RNF34: variants seen among roughly 807,000 people sequenced by gnomAD.
The protein encoded by RNF34 is E3 ubiquitin-protein ligase RNF34.
In RNF34, 12 loss-of-function variants were observed where a neutral mutation model predicts 37.9. The observed-to-expected ratio is 0.32, with a 90% CI of 0.20 to 0.51. The LOEUF is 0.51. Among genes scored for constraint, RNF34 ranks in the 20% least tolerant of loss-of-function variants. The pLI is 0.97. For synonymous variants in RNF34, 155 were observed against 177.2 expected, an observed-to-expected ratio of 0.87 and a Z score of 1.00; for missense variants, 362 against 472.7, an observed-to-expected ratio of 0.77 and a Z score of 2.17.
chr12:121,406,553 C>G (rs1169533564), intron 1 of RNF34, among the ~76,000 whole-genome samples: 1 of 152,180 alleles, frequency 6.6e-6, no homozygotes, highest in African/African-American at 2.4e-5. Context: ...TCCCAAAGTG[C>G]TAGGATTACA....
Position 121,423,339 on chromosome 12 carries a change from A to G in RNF34, c.929-47A>G, listed in dbSNP as rs1555283741. The G allele has an allele frequency of 1.3e-6, 2 of 1,483,568 alleles. No individual in the cohort carries two copies. Among genetic ancestry groups the G allele is most frequent in the Middle Eastern group, 2.2e-4 (1 of 4,610 alleles). The allele number at this position is 1,483,568 out of a possible 1,614,324, so 91.9% of individuals were successfully genotyped here. Reference sequence around the variant, plus strand: ...TTCGGACTGGGAGGGTGGCTGGCTGACTGGCCATGCCTGAAGCCGAGGCCT... The same window carrying G: ...TTCGGACTGGGAGGGTGGCTGGCTGGCTGGCCATGCCTGAAGCCGAGGCCT... On this transcript the variant is annotated intron_variant, in intron 5 of 5. Coordinates refer to ENST00000361234, the MANE Select transcript of RNF34 (RefSeq NM_025126.4). This position sits in a 1 kb window ranked among gnomAD's most constrained non-coding sequence, Gnocchi z 4.3.
At chr12:121,412,952 T>G (rs1871230040) in intron 1 of RNF34, among the ~76,000 whole-genome samples, 1 of 151,860 alleles carries the variant, frequency 6.6e-6, no homozygotes, top group African/African-American at 2.4e-5. Context: ...CTTGACCTCA[T>G]GATCTGCTCC....
chr12:121,420,474 A>G, intron 4 of RNF34, 103 bp from the exon 5 acceptor site: 4 of 1,569,264 alleles, frequency 2.5e-6, no homozygotes, highest in South Asian at 1.1e-5. Flanking sequence ...CACTTCTAGG[A>G]CTGCTGAGAT....
Position 121,423,329 on chromosome 12 carries a change from TG to T in RNF34, c.929-55del. ...GCTGCTCAGCTTCGGACTGGGAGGG[TG>T]GCTGGCTGACTGGCCATGCCTGAAG... On this transcript the variant is annotated intron_variant, in intron 5 of 5. Transcript: ENST00000361234. This position sits in a 1 kb window ranked among gnomAD's most constrained non-coding sequence, Gnocchi z 4.3. The T allele has an allele frequency of 1.4e-6, 2 of 1,421,758 alleles. No homozygotes were observed. The highest frequency in any genetic ancestry group is 1.9e-6 in the Non-Finnish European group (2 of 1,045,186). 88.1% of individuals were successfully genotyped at this position (1,421,758 alleles called of 1,614,324 possible). A position where few individuals can be genotyped will look rare whatever the true frequency, so the allele number is the denominator to read the frequency against.
At chr12:121,400,717 C>G (rs1206172023) in intron 1 of RNF34, among the ~76,000 whole-genome samples, 8 of 152,114 alleles carry the variant, frequency 5.3e-5, no homozygotes, top group Non-Finnish European at 1.2e-4. Context: ...GGGATGCCAC[C>G]CGGAAGGGGT....
At chr12:121,408,179 G>A (rs1476573511) in intron 1 of RNF34, among the ~76,000 whole-genome samples, 2 of 152,082 alleles carry the variant, frequency 1.3e-5, no homozygotes, top group Non-Finnish European at 2.9e-5. Context: ...GGTGGCTCAC[G>A]CCTGTAATCC....
At chr12:121,408,933 G>C (rs1402249881) in intron 1 of RNF34, among the ~76,000 whole-genome samples, 1 of 151,952 alleles carries the variant, frequency 6.6e-6, no homozygotes, top group Non-Finnish European at 1.5e-5. Context: ...AAAAGGAAAG[G>C]GATTCATTGA....
At chr12:121,400,243 G>T (rs1869841114) in intron 1 of RNF34, 25 bp downstream of exon 1, 2 of 1,606,484 alleles carry the variant, frequency 1.2e-6, no homozygotes, top group Middle Eastern at 1.7e-4. Context: ...GAGCCGGACA[G>T]ACCCTCCTCG....
intron 1 of RNF34, among the ~76,000 whole-genome samples, chr12:121,406,078 C>A (rs1427040938): frequency 1.3e-5 from 2 of 152,132 alleles, no homozygotes; most frequent in Non-Finnish European, 2.9e-5. Context: ...CATGAGCCAC[C>A]GTGCCCGGCC....
chr12:121,414,851 C>T (rs1051109259), intron 1 of RNF34, among the ~76,000 whole-genome samples: 10 of 152,056 alleles, frequency 6.6e-5, no homozygotes, highest in Non-Finnish European at 5.9e-5. Context: ...CCCAGCACTT[C>T]GGGAGGCCGA....
intron 1 of RNF34, among the ~76,000 whole-genome samples, chr12:121,404,511 T>C (rs1870333769): frequency 6.9e-6 from 1 of 144,630 alleles, no homozygotes; most frequent in Admixed American, 7.5e-5. Context: ...CTCAGCCTCC[T>C]GTGTAGCTGG....
chr12:121,401,455 G>A lies in RNF34; in HGVS notation c.6+1237G>A, dbSNP rs191383778. Among the ~76,000 whole-genome samples, 4 of 151,648 alleles carry A rather than the reference G, an allele frequency of 2.6e-5. No homozygotes were observed. The East Asian group carries it at 7.7e-4, about 29-fold the overall frequency. On this transcript the variant is annotated intron_variant, in intron 1 of 5. Coordinates refer to ENST00000361234, the MANE Select transcript of RNF34 (RefSeq NM_025126.4). ...AATATTTTTGGAATAGGTAACTTTG[G>A]AACTGTGCCTTGAAGTATGAGGATA...
chr12:121,402,063 GATGTC>G (rs1555280085), intron 1 of RNF34, among the ~76,000 whole-genome samples: 1 of 152,156 alleles, frequency 6.6e-6, no homozygotes, highest in Non-Finnish European at 1.5e-5. Flanking sequence ...ACTGATTCCT[GATGTC>G]ATGGAATGCT....
In RNF34 at chr12:121,400,140, G is replaced by A; in HGVS notation, c.-73G>A. On this transcript the variant is annotated 5_prime_UTR_variant, in exon 1 of 6. Coordinates refer to ENST00000361234, the MANE Select transcript of RNF34 (RefSeq NM_025126.4). ...GGTAATCACCGCCCAGAGGGAAGGAGGTCGGCAGTGTGAGGAGCTGCTATG... is the reference window on the plus strand; with the variant it reads ...GGTAATCACCGCCCAGAGGGAAGGAAGTCGGCAGTGTGAGGAGCTGCTATG... 1 of 1,557,986 alleles carries A rather than the reference G, an allele frequency of 6.4e-7. No individual in the cohort carries two copies. Among genetic ancestry groups the A allele is most frequent in the Non-Finnish European group, 8.7e-7 (1 of 1,151,844 alleles).
intron 1 of RNF34, among the ~76,000 whole-genome samples, chr12:121,414,628 A>G (rs892452465): frequency 1.3e-5 from 2 of 152,204 alleles, no homozygotes; most frequent in African/African-American, 2.4e-5. Context: ...AATTATGTTT[A>G]GTATCTTCAG....
intron 1 of RNF34, among the ~76,000 whole-genome samples, chr12:121,410,499 T>C (rs1249265236): frequency 6.7e-6 from 1 of 150,122 alleles, no homozygotes. Flanking sequence ...ATTGCGCCAC[T>C]GCATTCCATC....
At chr12:121,420,830 A>C in intron 5 of RNF34, 52 bp downstream of exon 5, 2 of 1,395,144 alleles carry the variant, frequency 1.4e-6, no homozygotes, top group Non-Finnish European at 2.0e-6. Flanking sequence ...TAGGCTTTTA[A>C]AAACTGGGTT....
chr12:121,421,122 G>A (rs964519423), intron 5 of RNF34, among the ~76,000 whole-genome samples: 2 of 151,988 alleles, frequency 1.3e-5, no homozygotes, highest in African/African-American at 2.4e-5. Context: ...CAGTACCTTG[G>A]TTCTCTCAAC....
intron 1 of RNF34, among the ~76,000 whole-genome samples, chr12:121,408,697 TG>T (rs1214304811): frequency 6.6e-6 from 1 of 152,160 alleles, no homozygotes; most frequent in Non-Finnish European, 1.5e-5. Context: ...ATCTTCTGGA[TG>T]GATTCTTCAT....
Sources: allele counts gnomAD v4.1 joint callset (sites outside exome capture counted in the v4.1 genomes callset), GRCh38; gene constraint gnomAD v4.1.1; non-coding constraint Gnocchi (gnomAD v3.1); transcripts MANE v1.5; gene names NCBI Gene and HGNC (gene_info 2026-07-23, HGNC 2026-07-21).